Variants in NRXN3 observed in about 807,000 individuals in gnomAD.
NRXN3 encodes the protein neurexin 3.
A neutral mutation model predicts 137.6 loss-of-function variants in NRXN3; 32 were observed. The ratio of observed to expected loss-of-function variants is 0.23; its 90% CI spans 0.18 to 0.31. The LOEUF (loss-of-function observed/expected upper bound fraction) is 0.31. NRXN3 is among the 10% of genes least tolerant of loss of function. NRXN3 has a pLI of 1.00. For missense variants in NRXN3, 1,574 were observed against 2,062.5 expected (o/e 0.76, Z 4.59); for synonymous variants, 798 against 784.5 (o/e 1.02, Z -0.29).
intron 16 of NRXN3, among the ~76,000 whole-genome samples, chr14:79,523,485 GT>G (rs2097089701): frequency 6.6e-6 from 1 of 152,164 alleles, no homozygotes; most frequent in Non-Finnish European, 1.5e-5. Context: ...AAAAAAATCT[GT>G]TCCAATTACT....
intron 15 of NRXN3, among the ~76,000 whole-genome samples, chr14:79,445,500 A>C (rs1334823960): frequency 6.6e-6 from 1 of 152,174 alleles, no homozygotes; most frequent in African/African-American, 2.4e-5. Context: ...AAGGAGATTG[A>C]AGAGATGAGG....
At chr14:79,557,040 G>C (rs112016437) in intron 16 of NRXN3, among the ~76,000 whole-genome samples, 12 of 151,286 alleles carry the variant, frequency 7.9e-5, no homozygotes, top group African/African-American at 2.9e-4. Context: ...ACCCTCTGCA[G>C]GGTTGACATT....
chr14:79,773,510 C>A (rs1190204587), intron 19 of NRXN3, among the ~76,000 whole-genome samples: 1 of 151,682 alleles, frequency 6.6e-6, no homozygotes, highest in Non-Finnish European at 1.5e-5. Flanking sequence ...TCATCATTCT[C>A]AGTAAACTAT....
chr14:79,136,219 C>T (rs183894094), intron 15 of NRXN3, among the ~76,000 whole-genome samples: 89 of 152,266 alleles, frequency 5.8e-4, no homozygotes, highest in African/African-American at 1.8e-3. Context: ...TCCCTAAAGG[C>T]GTAATTTATT....
At chr14:78,925,130 A>G (rs1482046727) in intron 10 of NRXN3, among the ~76,000 whole-genome samples, 2 of 152,186 alleles carry the variant, frequency 1.3e-5, no homozygotes, top group Non-Finnish European at 2.9e-5. Context: ...TCCTATCTGG[A>G]TCTGTTAGGT....
At chr14:78,871,360 A>G (rs2099100854) in intron 10 of NRXN3, among the ~76,000 whole-genome samples, 1 of 151,768 alleles carries the variant, frequency 6.6e-6, no homozygotes, top group Non-Finnish European at 1.5e-5. Flanking sequence ...TCATGTTTCT[A>G]CTCTTCAATG....
rs538959614 is a variant in NRXN3 at position 79,121,188 on chromosome 14, C to A, written c.3262+133047C>A. On this transcript the variant is annotated intron_variant, in intron 15 of 20. Coordinates refer to ENST00000335750, the MANE Select transcript of NRXN3 (RefSeq NM_001330195.2). ...CATCACTGTAAGAACATTTGATCCA[C>A]AAGTGAAGAACAGGACTATATTCCA... Among the ~76,000 whole-genome samples the A allele has an allele frequency of 2.0e-5, 3 of 152,298 alleles. No individual in the cohort carries two copies. The East Asian group carries it at 5.8e-4, about 29-fold the overall frequency.
At position 79,864,984 on chromosome 14, in the gene NRXN3, C is replaced by A. The variant is rs1408285811; in HGVS notation, c.*3020C>A. The A allele has an allele frequency of 2.0e-5, 3 of 152,192 alleles. No homozygotes were observed. The highest frequency in any genetic ancestry group is 4.4e-5 in the Non-Finnish European group (3 of 68,058). The allele number at this position is 152,192 out of a possible 1,614,324, so 9.4% of individuals were successfully genotyped here. On this transcript the variant is annotated 3_prime_UTR_variant, in exon 21 of 21. Transcript: ENST00000335750. The stretch of plus-strand genomic sequence containing the variant: ...GCCGGGATGGTCTCGATCTCCTGAC[C>A]TCGTAATCCACCCGCCTCGGCCTCC...
chr14:78,834,311 G>T (rs2098990336), intron 10 of NRXN3, among the ~76,000 whole-genome samples: 1 of 152,144 alleles, frequency 6.6e-6, no homozygotes, highest in Admixed American at 6.5e-5. Flanking sequence ...TGGGCACAAA[G>T]AAGAAAGATG....
rs1193514089 is a variant in NRXN3, at chr14:79,806,637, T to TATTC, written c.4093+1461_4093+1464dup. Among the ~76,000 whole-genome samples the TATTC allele has an allele frequency of 1.4e-3, 208 of 152,044 alleles. 1 individual carries two copies. The highest frequency in any genetic ancestry group is 4.7e-3 in the African/African-American group (197 of 41,502). On this transcript the variant is annotated intron_variant, in intron 20 of 20. Coordinates refer to ENST00000335750, the MANE Select transcript of NRXN3 (RefSeq NM_001330195.2). Reference sequence around the variant, plus strand: ...CTTGGGTGCCATGTTTTCATTAATTTATTCATTCATTCATTCAATAAATAT... The same window carrying TATTC: ...CTTGGGTGCCATGTTTTCATTAATTTATTCATTCATTCATTCATTCAATAAATAT...
At chr14:79,319,105 T>C (rs2089485935) in intron 15 of NRXN3, among the ~76,000 whole-genome samples, 2 of 152,340 alleles carry the variant, frequency 1.3e-5, no homozygotes, top group East Asian at 1.9e-4. Context: ...TTTCCATCTA[T>C]GTTACAGTCT....
intron 6 of NRXN3, among the ~76,000 whole-genome samples, chr14:78,652,444 C>G (rs1226734033): frequency 6.6e-6 from 1 of 152,196 alleles, no homozygotes; most frequent in Non-Finnish European, 1.5e-5. Flanking sequence ...TCTTTCAGAA[C>G]ACTGTGGCAT....
chr14:78,970,819 G>A (rs749378368), intron 14 of NRXN3, among the ~76,000 whole-genome samples: 44 of 152,252 alleles, frequency 2.9e-4, no homozygotes, highest in African/African-American at 1.0e-3. Flanking sequence ...GTTCAAAGCC[G>A]GATATTGTGG....
intron 4 of NRXN3, among the ~76,000 whole-genome samples, chr14:78,510,204 ATTT>A (rs528109535): frequency 1.3e-5 from 2 of 151,760 alleles, no homozygotes; most frequent in Non-Finnish European, 2.9e-5. Context: ...AATAACAGTA[ATTT>A]TTTTATCATG....
rs1482470466 is a variant in NRXN3, at chr14:79,376,265, T to TAC, written c.3263-90952_3263-90951dup. On this transcript the variant is annotated intron_variant, in intron 15 of 20. Transcript: ENST00000335750. ...ATATATATATATATATATATATATA[T>TAC]ACACATACATATGACTCCAAAAACA... is the stretch of plus-strand genomic sequence containing the variant. Among the ~76,000 whole-genome samples, 475 of 72,606 alleles carry TAC rather than the reference T, an allele frequency of 6.5e-3. 17 individuals are homozygous for TAC. Among genetic ancestry groups the TAC allele is most frequent in the African/African-American group, 9.5e-3 (217 of 22,736 alleles). 47.6% of individuals were successfully genotyped at this position (72,606 alleles called of 152,430 possible). A position where few individuals can be genotyped will look rare whatever the true frequency, so the allele number is the denominator to read the frequency against.
chr14:79,131,984 CTCCCTGACCCCTTGCGCT>C (rs1251866967), intron 15 of NRXN3, among the ~76,000 whole-genome samples: 2 of 152,258 alleles, frequency 1.3e-5, no homozygotes, highest in Non-Finnish European at 2.9e-5. Context: ...GGAAAGGGAA[CTCCCTGACCCCTTGCGCT>C]TCCCGAGTGA....
At chr14:78,700,242 C>A (rs771958452) in intron 6 of NRXN3, among the ~76,000 whole-genome samples, 2 of 152,108 alleles carry the variant, frequency 1.3e-5, no homozygotes, top group Non-Finnish European at 2.9e-5. Flanking sequence ...TCTAATATAG[C>A]TAATCAATTC....
At chr14:79,674,999 C>T (rs2098632777) in intron 17 of NRXN3, among the ~76,000 whole-genome samples, 1 of 151,862 alleles carries the variant, frequency 6.6e-6, no homozygotes, top group Admixed American at 6.6e-5. Context: ...CTGGGATACA[C>T]TATTTGTTTT....
intron 15 of NRXN3, among the ~76,000 whole-genome samples, chr14:79,369,541 C>A (rs993677472): frequency 6.6e-6 from 1 of 152,198 alleles, no homozygotes; most frequent in African/African-American, 2.4e-5. Context: ...GAGACAGAGA[C>A]ACTGAGAAAT....
Sources: gnomAD v4.1 joint callset for allele counts (sites outside exome capture counted in the v4.1 genomes callset) on GRCh38, gnomAD v4.1.1 for gene constraint, MANE v1.5 for transcripts, NCBI Gene and HGNC (gene_info 2026-07-23, HGNC 2026-07-21) for gene names.